Variants in OSBPL10 observed in about 807,000 individuals in gnomAD.
OSBPL10 encodes the protein oxysterol binding protein like 10.
Under a neutral mutation model 81.7 loss-of-function variants are expected in OSBPL10, and 49 were observed. The observed-to-expected ratio is 0.60, with a 90% CI of 0.48 to 0.76. The LOEUF is 0.76. OSBPL10 is among the 30% of genes least tolerant of loss of function. OSBPL10 has a pLI of 0.00. For synonymous variants in OSBPL10, 419 were observed against 383.6 expected, an observed-to-expected ratio of 1.09 and a Z score of -1.08; for missense variants, 923 against 987.8, an observed-to-expected ratio of 0.93 and a Z score of 0.88.
intron 4 of OSBPL10, among the ~76,000 whole-genome samples, chr3:31,828,589 C>A (rs1700154738): frequency 6.6e-6 from 1 of 152,166 alleles, no homozygotes; most frequent in Non-Finnish European, 1.5e-5. Flanking sequence ...CTGGAGTGCA[C>A]TGGGGCTATC....
chr3:31,981,045 C>T lies in OSBPL10; in HGVS notation c.135G>A (p.Ala45=), dbSNP rs1251724640. 1.4e-6 allele frequency: 2 copies of T among 1,479,958 alleles called. No individual in the cohort carries two copies. Among genetic ancestry groups the T allele is most frequent in the South Asian group, 2.6e-5 (2 of 77,044 alleles). The allele number at this position is 1,479,958 out of a possible 1,614,324, so 91.7% of individuals were successfully genotyped here. ...TTCCCCCGCCGCCGAGCCCGGCCGC[C>T]GCCGACCGGCTGGAGACCCCCCGGC... ...LAGRGVSSRS[A]AAGLGGGGSR... Residue 45 remains alanine, a synonymous_variant, in exon 1 of 12, where the codon GCG becomes GCA. Transcript: ENST00000396556. This position sits in a 1 kb window ranked among gnomAD's most constrained non-coding sequence, Gnocchi z 4.5.
intron 1 of OSBPL10, among the ~76,000 whole-genome samples, chr3:31,886,832 C>T (rs1380719699): frequency 2.0e-5 from 3 of 151,768 alleles, no homozygotes; most frequent in African/African-American, 7.3e-5. Flanking sequence ...CCCAGCTACT[C>T]GGGAGGCTGA....
At chr3:32,024,944 A>C (rs994223185) in intron 2 of OSBPL10, among the ~76,000 whole-genome samples, 4 of 152,144 alleles carry the variant, frequency 2.6e-5, no homozygotes, top group African/African-American at 7.2e-5. Context: ...ATCATCTGTG[A>C]ATTTAAAAAG....
At position 31,662,079 on chromosome 3, in the gene OSBPL10, G is replaced by C; in HGVS notation, c.2288C>G (p.Ala763Gly). The C allele has an allele frequency of 5.0e-6, 8 of 1,613,964 alleles. No homozygotes were observed. Among genetic ancestry groups the C allele is most frequent in the Non-Finnish European group, 6.8e-6 (8 of 1,179,960 alleles). Residue 763 changes from alanine to glycine, a missense_variant, in exon 12 of 12, where the codon GCA (alanine) becomes GGA (glycine). By Grantham distance (60) the Ala-to-Gly change is moderately conservative. Transcript: ENST00000396556. ...GWVYFNPLWK[A>G]H is the part of the protein sequence containing the mutation. ...CTCTGCACCTCCACCCCATCAGTGT[G>C]CTTTCCAGAGGGGATTGAAGTATAC... is the stretch of plus-strand genomic sequence containing the variant.
intron 1 of OSBPL10, among the ~76,000 whole-genome samples, chr3:31,942,989 A>G (rs1697580890): frequency 6.6e-6 from 1 of 152,220 alleles, no homozygotes; most frequent in Non-Finnish European, 1.5e-5. Context: ...TTCTGTAACT[A>G]TCAATCAATA....
intron 4 of OSBPL10, among the ~76,000 whole-genome samples, chr3:31,799,971 G>C (rs2125447734): frequency 6.6e-6 from 1 of 152,284 alleles, no homozygotes; most frequent in East Asian, 1.9e-4. Context: ...GCCTCCCAGA[G>C]TGCTGGGATT....
rs181177555 is a variant in OSBPL10, at chr3:32,060,006, G to T, written n.186-13403C>A. 2.0e-5 allele frequency among the ~76,000 whole-genome samples: 3 copies of T among 152,236 alleles called. No homozygotes were observed. The East Asian group carries it at 5.8e-4, about 29-fold the overall frequency. On this transcript the variant is annotated intron_variant and non_coding_transcript_variant, in intron 1 of 3. Coordinates refer to the OSBPL10 transcript ENST00000479173. ...AAAAAGTGCATGAGGGGGCTTTTGGGAGCACTGGTAATGTTCTGTGATCTG... is the reference window on the plus strand; with the variant it reads ...AAAAAGTGCATGAGGGGGCTTTTGGTAGCACTGGTAATGTTCTGTGATCTG...
chr3:31,684,032 AGCAGTAGGT>A lies in OSBPL10; in HGVS notation c.1319_1327del (p.Asp440_Leu443delinsVal). On this transcript the variant is annotated inframe_deletion, in exon 8 of 12. Transcript: ENST00000396556. ...TGGTGTGGCCCCAGCGGTGATGGCC[AGCAGTAGGT>A]CTGGGTGCGCCATGAAATCTGCATA... The A allele has an allele frequency of 6.2e-7, 1 of 1,614,244 alleles. No individual in the cohort carries two copies. The highest frequency in any genetic ancestry group is 8.5e-7 in the Non-Finnish European group (1 of 1,180,050).
chr3:31,962,466 G>A (rs1447239766), intron 1 of OSBPL10, among the ~76,000 whole-genome samples: 2 of 150,492 alleles, frequency 1.3e-5, no homozygotes, highest in Non-Finnish European at 3.0e-5. Flanking sequence ...CCACCAAACT[G>A]TACACTTACA....
chr3:31,936,934 G>A (rs1168773573), intron 1 of OSBPL10, among the ~76,000 whole-genome samples: 6 of 151,626 alleles, frequency 4.0e-5, no homozygotes, highest in African/African-American at 1.5e-4. Flanking sequence ...CTAGATACCA[G>A]GAAAAAAAAA....
intron 3 of OSBPL10, among the ~76,000 whole-genome samples, chr3:31,840,384 C>CAAAAATGCCAAGCTCAA (rs1700462488): frequency 6.6e-6 from 1 of 152,196 alleles, no homozygotes; most frequent in Admixed American, 6.5e-5. Context: ...TGCTCAGGCA[C>CAAAAATGCCAAGCTCAA]AAAAATGCCA....
intron 2 of OSBPL10, among the ~76,000 whole-genome samples, chr3:32,011,149 T>A (rs1052135198): frequency 6.6e-6 from 1 of 152,194 alleles, no homozygotes; most frequent in African/African-American, 2.4e-5. Flanking sequence ...CCTCCTCAAG[T>A]GGGTCCCTGA....
intron 4 of OSBPL10, among the ~76,000 whole-genome samples, chr3:31,800,161 C>T (rs1575553323): frequency 6.6e-6 from 1 of 152,182 alleles, no homozygotes; most frequent in Non-Finnish European, 1.5e-5. Flanking sequence ...GATGAAGTGG[C>T]CTAGTTGTTG....
intron 3 of OSBPL10, among the ~76,000 whole-genome samples, chr3:31,832,670 T>C (rs1700273088): frequency 6.6e-6 from 1 of 152,064 alleles, no homozygotes. Flanking sequence ...AGATGGTGCA[T>C]AACAGGGGCT....
At chr3:31,965,355 G>C (rs1422675622) in intron 1 of OSBPL10, among the ~76,000 whole-genome samples, 1 of 123,308 alleles carries the variant, frequency 8.1e-6, no homozygotes, top group African/African-American at 3.6e-5. Flanking sequence ...GGGTGACAGA[G>C]CAAGACTCCA....
intron 1 of OSBPL10, among the ~76,000 whole-genome samples, chr3:31,891,368 T>C (rs1695886858): frequency 6.6e-6 from 1 of 152,224 alleles, no homozygotes; most frequent in Non-Finnish European, 1.5e-5. Context: ...ATGCTGATGC[T>C]GCTGGTAGGA....
Position 31,725,664 on chromosome 3 carries a change from G to A in OSBPL10, c.1095+7593C>T, listed in dbSNP as rs190156855. ...TCTTCTGCCTGGAGAGCTCCAGGAC[G>A]CTGACCATGGATGAATCTTTCATCA... is the stretch of plus-strand genomic sequence containing the variant. On this transcript the variant is annotated intron_variant, in intron 6 of 11. Transcript: ENST00000396556. 4.6e-5 allele frequency among the ~76,000 whole-genome samples: 7 copies of A among 152,286 alleles called. No homozygotes were observed. The East Asian group carries it at 1.2e-3, about 25-fold the overall frequency.
At chr3:31,778,938 G>A (rs971508608) in intron 4 of OSBPL10, among the ~76,000 whole-genome samples, 2 of 151,986 alleles carry the variant, frequency 1.3e-5, no homozygotes, top group East Asian at 1.9e-4. Context: ...AAATAATTCC[G>A]AGCCAAGAAT....
intron 2 of OSBPL10, among the ~76,000 whole-genome samples, chr3:32,027,664 C>G (rs559272801): frequency 6.6e-6 from 1 of 152,206 alleles, no homozygotes; most frequent in South Asian, 2.1e-4. Context: ...CAGACAGGGT[C>G]TCACTATGTT....
Sources: gnomAD v4.1 joint callset for allele counts (sites outside exome capture counted in the v4.1 genomes callset) on GRCh38, gnomAD v4.1.1 for gene constraint, Gnocchi (gnomAD v3.1) non-coding constraint, MANE v1.5 for transcripts, NCBI Gene and HGNC (gene_info 2026-07-23, HGNC 2026-07-21) for gene names.